Variants in SLC2A8 observed in about 807,000 individuals in gnomAD.
SLC2A8 encodes solute carrier family 2, facilitated glucose transporter member 8.
A neutral mutation model predicts 49.2 loss-of-function variants in SLC2A8; 53 were observed. The observed-to-expected ratio is 1.08, with a 90% CI of 0.86 to 1.35. The LOEUF (loss-of-function observed/expected upper bound fraction) is 1.35. SLC2A8 is among the 40% of genes most tolerant of loss of function. The pLI, the probability that SLC2A8 is intolerant of heterozygous loss-of-function variation, is 0.00. For missense variants in SLC2A8, 688 were observed against 671.7 expected (o/e 1.02, Z -0.27); for synonymous variants, 299 against 297.0 (o/e 1.01, Z -0.07).
Position 127,404,013 on chromosome 9 carries a change from G to A in SLC2A8, c.922G>A (p.Val308Met), listed in dbSNP as rs1388247956. 1.9e-6 allele frequency: 3 copies of A among 1,607,640 alleles called. No individual in the cohort carries two copies. The East Asian group carries it at 6.7e-5, about 36-fold the overall frequency. Residue 308 changes from valine (V) to methionine (M), a missense_variant, in exon 7 of 10, where the codon GTG (valine) becomes ATG (methionine). Physicochemically the swap from Val to Met is conservative, Grantham distance 21. Coordinates refer to ENST00000373371, the MANE Select transcript of SLC2A8 (RefSeq NM_014580.5). ...VGVIQVLFTA[V>M]AALIMDRAGR... is the part of the protein sequence containing the mutation. Reference sequence around the variant, plus strand: ...TGTCATCCAGGTGCTGTTCACAGCTGTGGCGGCTCTCATCATGGACAGAGC... The same window carrying A: ...TGTCATCCAGGTGCTGTTCACAGCTATGGCGGCTCTCATCATGGACAGAGC...
intron 5 of SLC2A8, 27 bp from the exon 6 acceptor site, chr9:127,403,633 C>T: frequency 6.2e-7 from 1 of 1,612,136 alleles, no homozygotes; most frequent in Non-Finnish European, 8.5e-7. Context: ...AGAGAGAAAT[C>T]CTGATGGCCA....
Position 127,404,829 on chromosome 9 carries a change from G to A in SLC2A8, c.988G>A (p.Val330Met). 6.2e-7 allele frequency: 1 copy of A among 1,611,462 alleles called. No homozygotes were observed. The highest frequency in any genetic ancestry group is 8.5e-7 in the Non-Finnish European group (1 of 1,178,914). Residue 330 changes from valine to methionine, a missense_variant, in exon 8 of 10, where the codon GTG becomes ATG. Val to Met is a conservative substitution (Grantham distance 21). Coordinates refer to ENST00000373371, the MANE Select transcript of SLC2A8 (RefSeq NM_014580.5). Reference protein sequence around the residue: ...LLLVLSGVVMVFSTSAFGAYF... With the variant: ...LLLVLSGVVMMFSTSAFGAYF... Reference sequence around the variant, plus strand: ...CCTCCCGCCTGCAGGTGTGGTCATGGTGTTCAGCACGAGTGCCTTCGGCGC... The same window carrying A: ...CCTCCCGCCTGCAGGTGTGGTCATGATGTTCAGCACGAGTGCCTTCGGCGC...
At position 127,400,044 on chromosome 9, in the gene SLC2A8, C is replaced by A; in HGVS notation, c.526+38C>A. On this transcript the variant is annotated intron_variant, in intron 4 of 9. Coordinates refer to ENST00000373371, the MANE Select transcript of SLC2A8 (RefSeq NM_014580.5). ...TTATCTCTTGCTTCCTGTTTGTGGT[C>A]ATGTGGCCATTTTACAGATGTGTAA... 3.2e-6 allele frequency: 5 copies of A among 1,570,490 alleles called. No individual in the cohort carries two copies. The South Asian group carries it at 5.6e-5, about 17-fold the overall frequency.
At position 127,399,941 on chromosome 9, in the gene SLC2A8, G is replaced by A. The variant is rs140048997; in HGVS notation, c.461G>A (p.Arg154Gln). 588 of 1,613,182 alleles carry A rather than the reference G, an allele frequency of 3.6e-4. 2 individuals are homozygous for A. Among genetic ancestry groups the A allele is most frequent in the African/African-American group, 7.6e-4 (57 of 75,012 alleles). Residue 154 changes from arginine (R) to glutamine (Q), a missense_variant, in exon 4 of 10, where the codon CGG becomes CAG. Physicochemically the swap from Arg to Gln is conservative, Grantham distance 43. Coordinates refer to ENST00000373371, the MANE Select transcript of SLC2A8 (RefSeq NM_014580.5). The surrounding 1 kb of genome is among the most constrained non-coding windows in gnomAD (Gnocchi z 4.2). The part of the protein sequence containing the change: ...YISEIAYPAV[R>Q]GLLGSCVQLM... The stretch of plus-strand genomic sequence containing the variant: ...TCCGAAATCGCCTACCCAGCAGTCC[G>A]GGGGTTGCTCGGCTCCTGTGTGCAG...
intron 7 of SLC2A8, 121 bp from the exon 8 acceptor site, chr9:127,404,697 A>T: frequency 8.4e-7 from 1 of 1,190,318 alleles, no homozygotes; most frequent in Non-Finnish European, 1.1e-6. Flanking sequence ...AAGGTGCCAG[A>T]ACACCAAGCT....
Position 127,399,900 on chromosome 9 carries a change from C to T in SLC2A8, c.427-7C>T, listed in dbSNP as rs776099921. 5 of 1,611,686 alleles carry T rather than the reference C, an allele frequency of 3.1e-6. No homozygotes were observed. Among genetic ancestry groups the T allele is most frequent in the South Asian group, 1.1e-5 (1 of 91,042 alleles). On this transcript the variant is annotated splice_region_variant and splice_polypyrimidine_tract_variant and intron_variant, in intron 3 of 9. Transcript: ENST00000373371. The surrounding 1 kb of genome is among the most constrained non-coding windows in gnomAD (Gnocchi z 4.2). Reference sequence around the variant, plus strand: ...CCAGCCATAAATCCTCATCTGATTGCTGGCAGGTCTACATCTCCGAAATCG... The same window carrying T: ...CCAGCCATAAATCCTCATCTGATTGTTGGCAGGTCTACATCTCCGAAATCG...
intron 4 of SLC2A8, among the ~76,000 whole-genome samples, chr9:127,400,465 G>T (rs925184549): frequency 6.6e-6 from 1 of 152,044 alleles, no homozygotes; most frequent in Non-Finnish European, 1.5e-5. Flanking sequence ...GCCGATAGGT[G>T]TGTCTTATGA....
intron 4 of SLC2A8, among the ~76,000 whole-genome samples, chr9:127,401,674 A>T (rs10987636): frequency 0.49 from 74,322 of 151,968 alleles, 18,793 homozygotes; most frequent in South Asian, 0.62. Context: ...GTTTCGATCC[A>T]CTGGGGTGGG....
Position 127,405,402 on chromosome 9 carries a change from C to A in SLC2A8, c.1151-18C>A, listed in dbSNP as rs184720360. On this transcript the variant is annotated intron_variant, in intron 8 of 9. Transcript: ENST00000373371. ...CCTGCGGACCCTGATGCCTGTCTTG[C>A]CTGTCTCGCTCCCACAGGCTTTGCG... 1 of 1,611,366 alleles carries A rather than the reference C, an allele frequency of 6.2e-7. No individual in the cohort carries two copies. Among genetic ancestry groups the A allele is most frequent in the Non-Finnish European group, 8.5e-7 (1 of 1,179,756 alleles).
chr9:127,397,756 C>G lies in SLC2A8; in HGVS notation c.220-149C>G, dbSNP rs887179594. ...TCAGCCCCCACCCCTCCCCTCGGGA[C>G]GAGCACCGGGCCCCTCAGCCCCCTA... On this transcript the variant is annotated intron_variant, in intron 2 of 9. Transcript: ENST00000373371. The G allele has an allele frequency of 5.9e-5, 63 of 1,060,220 alleles. No homozygotes were observed. In the African/African-American group the frequency reaches 9.1e-4, roughly 15 times the overall value. 65.7% of individuals were successfully genotyped at this position (1,060,220 alleles called of 1,614,324 possible).
At chr9:127,401,807 T>C (rs1433961120) in intron 4 of SLC2A8, among the ~76,000 whole-genome samples, 2 of 152,030 alleles carry the variant, frequency 1.3e-5, no homozygotes, top group Non-Finnish European at 2.9e-5. Context: ...AGAAGAAAAA[T>C]AGGGACATCA....
At chr9:127,397,848 AG>A (rs1190711619) in intron 2 of SLC2A8, 56 bp from the exon 3 acceptor site, 6 of 1,407,764 alleles carry the variant, frequency 4.3e-6, no homozygotes, top group African/African-American at 1.5e-5. Flanking sequence ...GAGTGGGTGG[AG>A]GGGGAGGATG....
chr9:127,398,056 TG>T lies in SLC2A8; in HGVS notation c.377del (p.Gly126AlafsTer14). The T allele has an allele frequency of 6.3e-7, 1 of 1,589,244 alleles. No homozygotes were observed. ...GCGGCCCAGGACGTGTGGATGCTGC[TG>T]GGGGGCCGCCTCCTCACCGGCCTGG... ...ITAAQDVWML[L>X]GGRLLTGLAC... is the part of the protein sequence containing the mutation. On this transcript the variant is annotated frameshift_variant, in exon 3 of 10. Transcript: ENST00000373371. LOFTEE classifies it high-confidence loss of function.
chr9:127,397,240 G>T lies in SLC2A8; in HGVS notation c.10G>T (p.Glu4Ter). 1 of 1,446,534 alleles carries T rather than the reference G, an allele frequency of 6.9e-7. No individual in the cohort carries two copies. The allele number at this position is 1,446,534 out of a possible 1,614,324, so 89.6% of individuals were successfully genotyped here. A position where few individuals can be genotyped will look rare whatever the true frequency, so the allele number is the denominator to read the frequency against. MTP[E>*]DPEETQPLLG... is the part of the protein sequence containing the mutation. ...GGCGTTGGCCGCCGACATGACGCCC[G>T]AGGACCCAGAGGAAACCCAGCCGCT... The change falls in exon 1 of 10, where the codon GAG becomes TAG. Residue 4 changes from glutamate to a stop codon, truncating the protein, a stop_gained. Coordinates refer to ENST00000373371, the MANE Select transcript of SLC2A8 (RefSeq NM_014580.5). LOFTEE classifies it high-confidence loss of function.
At chr9:127,404,216 G>T in intron 7 of SLC2A8, 149 bp downstream of exon 7, 1 of 612,300 alleles carries the variant, frequency 1.6e-6, no homozygotes, top group Admixed American at 2.9e-5. Flanking sequence ...TTGTCACCAA[G>T]CACTCACTGC....
At chr9:127,405,861 C>T (rs1444203732) in intron 9 of SLC2A8, among the ~76,000 whole-genome samples, 3 of 152,232 alleles carry the variant, frequency 2.0e-5, no homozygotes, top group Non-Finnish European at 4.4e-5. Flanking sequence ...TAAGGTCTTA[C>T]ATGGGAAGAG....
At chr9:127,400,102 G>A in intron 4 of SLC2A8, 96 bp downstream of exon 4, 1 of 1,034,922 alleles carries the variant, frequency 9.7e-7, no homozygotes, top group Non-Finnish European at 1.5e-6. Context: ...GGACTTGTCT[G>A]AGGTCACATA....
rs200536005 is a variant in SLC2A8, at chr9:127,404,802, G to T, written c.977-16G>T. 7 of 1,601,964 alleles carry T rather than the reference G, an allele frequency of 4.4e-6. No individual in the cohort carries two copies. The highest frequency in any genetic ancestry group is 6.0e-6 in the Non-Finnish European group (7 of 1,172,054). On this transcript the variant is annotated splice_polypyrimidine_tract_variant and intron_variant, in intron 7 of 9. Coordinates refer to ENST00000373371, the MANE Select transcript of SLC2A8 (RefSeq NM_014580.5). Reference sequence around the variant, plus strand: ...TTCCCCGGGTGCCCCGCCCACTGCCGCCCTCCCGCCTGCAGGTGTGGTCAT... The same window carrying T: ...TTCCCCGGGTGCCCCGCCCACTGCCTCCCTCCCGCCTGCAGGTGTGGTCAT...
In SLC2A8 at chr9:127,407,264, G is replaced by A. The variant is rs1432785526; in HGVS notation, c.*15G>A. ...AGGGGCGATGACAGCCACTCACTAGGGGATGGAGCAAGCCTGTGACTCCAA... is the reference window on the plus strand; with the variant it reads ...AGGGGCGATGACAGCCACTCACTAGAGGATGGAGCAAGCCTGTGACTCCAA... On this transcript the variant is annotated 3_prime_UTR_variant, in exon 10 of 10. Coordinates refer to ENST00000373371, the MANE Select transcript of SLC2A8 (RefSeq NM_014580.5). 2 of 1,612,802 alleles carry A rather than the reference G, an allele frequency of 1.2e-6. No individual in the cohort carries two copies. The highest frequency in any genetic ancestry group is 8.5e-7 in the Non-Finnish European group (1 of 1,179,914).
Sources: gnomAD v4.1 joint callset for allele counts (sites outside exome capture counted in the v4.1 genomes callset) on GRCh38, gnomAD v4.1.1 for gene constraint, Gnocchi (gnomAD v3.1) non-coding constraint, MANE v1.5 for transcripts, NCBI Gene and HGNC (gene_info 2026-07-23, HGNC 2026-07-21) for gene names.